Variants in PRKN observed in about 807,000 individuals in gnomAD.
PRKN encodes the protein parkin RBR E3 ubiquitin protein ligase, also known as E3 ubiquitin-protein ligase parkin.
In PRKN, 56 loss-of-function variants were observed where a neutral mutation model predicts 59.5. That is an observed-to-expected ratio of 0.94 (90% CI 0.76 to 1.18). PRKN has a LOEUF of 1.18. Among genes scored for constraint, PRKN ranks in the 50% most tolerant of loss-of-function variants. The pLI is 0.00. For missense variants in PRKN, 657 were observed against 596.4 expected (o/e 1.10, Z -1.06); for synonymous variants, 250 against 222.1 (o/e 1.13, Z -1.12).
intron 4 of PRKN, among the ~76,000 whole-genome samples, chr6:162,067,226 C>T (rs1270796899): frequency 6.6e-6 from 1 of 152,178 alleles, no homozygotes; most frequent in African/African-American, 2.4e-5. Flanking sequence ...GAGAGAAAAA[C>T]TGAACTCTCA....
At chr6:161,507,337 T>C (rs745453572) in intron 9 of PRKN, among the ~76,000 whole-genome samples, 2 of 152,214 alleles carry the variant, frequency 1.3e-5, no homozygotes, top group Non-Finnish European at 2.9e-5. Flanking sequence ...CTCATCTCTA[T>C]GAAATGGAAT....
intron 4 of PRKN, among the ~76,000 whole-genome samples, chr6:162,129,377 C>A (rs774207393): frequency 6.6e-6 from 1 of 152,104 alleles, no homozygotes; most frequent in Non-Finnish European, 1.5e-5. Flanking sequence ...AAAATGTCAT[C>A]TTTGTGGAAG....
chr6:161,751,329 A>G (rs1008964510), intron 7 of PRKN, among the ~76,000 whole-genome samples: 2 of 152,172 alleles, frequency 1.3e-5, no homozygotes, highest in Non-Finnish European at 2.9e-5. Flanking sequence ...CACATTTCCT[A>G]TCAATCATAA....
At chr6:162,083,617 T>A (rs1779145475) in intron 4 of PRKN, among the ~76,000 whole-genome samples, 1 of 152,124 alleles carries the variant, frequency 6.6e-6, no homozygotes, top group East Asian at 1.9e-4. Flanking sequence ...GATTATGAAC[T>A]AAACAGGTCC....
At position 161,729,450 on chromosome 6, in the gene PRKN, T is replaced by A. The variant is rs138944721; in HGVS notation, c.871+56322A>T. On this transcript the variant is annotated intron_variant, in intron 7 of 11. Transcript: ENST00000366898. The stretch of plus-strand genomic sequence containing the variant: ...ATTTTTAAGTGAAGATATTATTACA[T>A]TTGATTATTATAGGTTGGAAAAATG... Among the ~76,000 whole-genome samples the A allele has an allele frequency of 3.3e-5, 5 of 152,350 alleles. No individual in the cohort carries two copies. In the East Asian group the frequency reaches 9.6e-4, roughly 29 times the overall value.
intron 1 of PRKN, among the ~76,000 whole-genome samples, chr6:162,563,812 A>T (rs190538855): frequency 3.3e-5 from 5 of 152,352 alleles, no homozygotes; most frequent in Admixed American, 3.3e-4. Context: ...GATACATTTA[A>T]CAAAGAGAAT....
intron 7 of PRKN, among the ~76,000 whole-genome samples, chr6:161,768,932 A>C (rs1186717831): frequency 6.6e-6 from 1 of 152,236 alleles, no homozygotes; most frequent in African/African-American, 2.4e-5. Context: ...ATACTCCTAC[A>C]TATACCTCTT....
At chr6:162,608,474 A>G (rs1176125691) in intron 1 of PRKN, among the ~76,000 whole-genome samples, 9 of 152,210 alleles carry the variant, frequency 5.9e-5, no homozygotes, top group Non-Finnish European at 8.8e-5. Context: ...GACAGAGATT[A>G]CAAACAAGGT....
At chr6:161,536,231 A>G (rs1286635916) in intron 9 of PRKN, among the ~76,000 whole-genome samples, 1 of 152,150 alleles carries the variant, frequency 6.6e-6, no homozygotes, top group Non-Finnish European at 1.5e-5. Flanking sequence ...ATATCCCATG[A>G]CAGGCAGTCC....
At chr6:161,619,117 A>G (rs1162640849) in intron 7 of PRKN, among the ~76,000 whole-genome samples, 7 of 152,078 alleles carry the variant, frequency 4.6e-5, no homozygotes, top group African/African-American at 1.7e-4. Flanking sequence ...TGTTAATCAC[A>G]AAAAGGCTGA....
chr6:162,574,432 A>T (rs11967554), intron 1 of PRKN, among the ~76,000 whole-genome samples: 33,935 of 152,080 alleles, frequency 0.22, 4,553 homozygotes, highest in African/African-American at 0.37. Context: ...TTACATCATG[A>T]TATTCTTAAG....
intron 7 of PRKN, among the ~76,000 whole-genome samples, chr6:161,649,055 T>G (rs1298766686): frequency 6.6e-6 from 1 of 152,222 alleles, no homozygotes; most frequent in African/African-American, 2.4e-5. Flanking sequence ...ATTATTAGTT[T>G]AATTATTATA....
intron 9 of PRKN, among the ~76,000 whole-genome samples, chr6:161,387,825 G>A (rs1047876511): frequency 1.3e-5 from 2 of 152,190 alleles, no homozygotes; most frequent in African/African-American, 2.4e-5. Context: ...GGGAAGATGA[G>A]GTTGTTAGGG....
intron 2 of PRKN, among the ~76,000 whole-genome samples, chr6:162,278,787 A>C (rs2023089): frequency 0.27 from 41,341 of 151,796 alleles, 8,198 homozygotes; most frequent in East Asian, 0.59. Context: ...GTGTTTAGGA[A>C]CAAAATGTCA....
At position 161,570,195 on chromosome 6, in the gene PRKN, C is replaced by T. The variant is rs141502274; in HGVS notation, c.872-779G>A. Reference sequence around the variant, plus strand: ...CACACATACACACACAATTAAAATACGTATGTATAAAATATTATATAATTA... The same window carrying T: ...CACACATACACACACAATTAAAATATGTATGTATAAAATATTATATAATTA... On this transcript the variant is annotated intron_variant, in intron 7 of 11. Transcript: ENST00000366898. Among the ~76,000 whole-genome samples the T allele has an allele frequency of 3.7e-3, 453 of 122,176 alleles. 4 individuals carry two copies. The highest frequency in any genetic ancestry group is 0.014 in the African/African-American group (424 of 31,008). 80.2% of individuals were successfully genotyped at this position (122,176 alleles called of 152,430 possible).
At chr6:162,669,981 T>C (rs1251510202) in intron 1 of PRKN, among the ~76,000 whole-genome samples, 1 of 152,234 alleles carries the variant, frequency 6.6e-6, no homozygotes, top group Admixed American at 6.5e-5. Context: ...TAGAAGCACA[T>C]TTGCAATTTT....
At chr6:161,952,928 C>G (rs927544138) in intron 6 of PRKN, among the ~76,000 whole-genome samples, 41 of 152,256 alleles carry the variant, frequency 2.7e-4, no homozygotes, top group African/African-American at 6.7e-4. Flanking sequence ...AGTAGGATGA[C>G]GACGTGAGTC....
At chr6:162,586,873 T>C (rs1443690474) in intron 1 of PRKN, among the ~76,000 whole-genome samples, 1 of 152,176 alleles carries the variant, frequency 6.6e-6, no homozygotes, top group African/African-American at 2.4e-5. Context: ...ATGAGTTCAG[T>C]TCCATCAACA....
intron 9 of PRKN, among the ~76,000 whole-genome samples, chr6:161,415,621 C>T (rs1227487094): frequency 6.9e-6 from 1 of 144,372 alleles, no homozygotes; most frequent in Admixed American, 6.9e-5. Context: ...CCCCCGCCAG[C>T]CCCCGACCGC....
Sources: allele counts gnomAD v4.1 joint callset (sites outside exome capture counted in the v4.1 genomes callset), GRCh38; gene constraint gnomAD v4.1.1; transcripts MANE v1.5; gene names NCBI Gene and HGNC (gene_info 2026-07-23, HGNC 2026-07-21).